The following LARP1 variants were observed in gnomAD, a reference collection of about 807,000 sequenced individuals.
The protein encoded by LARP1 is la-related protein 1.
LARP1 carries 36 observed loss-of-function variants against 122.7 expected under a neutral mutation model. The observed-to-expected ratio is 0.29, with a 90% CI of 0.22 to 0.39. The LOEUF (loss-of-function observed/expected upper bound fraction) is 0.39. Among genes scored for constraint, LARP1 ranks in the 10% least tolerant of loss-of-function variants. LARP1 has a pLI of 1.00. For synonymous variants in LARP1, 539 were observed against 528.7 expected (o/e 1.02, Z -0.27); for missense variants, 1,040 against 1,403.6 (o/e 0.74, Z 4.14).
At position 154,813,872 on chromosome 5, in the gene LARP1, C is replaced by T; in HGVS notation, c.3082-15C>T. 6.2e-7 allele frequency: 1 copy of T among 1,611,474 alleles called. No homozygotes were observed. Among genetic ancestry groups the T allele is most frequent in the Non-Finnish European group, 8.5e-7 (1 of 1,178,330 alleles). On this transcript the variant is annotated splice_polypyrimidine_tract_variant and intron_variant, in intron 18 of 18. Transcript: ENST00000518297. ...TAGTGCTTCTGATCACCTGTGACTC[C>T]TTCCTCTGTTGCAGCCCCCCATGGG...
chr5:154,756,309 CTT>C (rs1449529867), intron 1 of LARP1, 116 bp downstream of exon 1: 2 of 948,254 alleles, frequency 2.1e-6, no homozygotes, highest in Non-Finnish European at 2.6e-6. Flanking sequence ...TGACTCGGGA[CTT>C]TTTAAAATTG....
chr5:154,751,814 G>T (rs376430839), upstream of LARP1, among the ~76,000 whole-genome samples: 102 of 152,156 alleles, frequency 6.7e-4, no homozygotes, highest in African/African-American at 2.3e-3. Flanking sequence ...GTATATATAG[G>T]AAAAACATAG....
chr5:154,740,418 A>G (rs1234824745), intron 1 of LARP1, among the ~76,000 whole-genome samples: 3 of 150,790 alleles, frequency 2.0e-5, no homozygotes, highest in Admixed American at 6.6e-5. Flanking sequence ...AAAAAAGATT[A>G]AATTACCACC....
chr5:154,809,203 G>A (rs776750466), intron 16 of LARP1, among the ~76,000 whole-genome samples: 1 of 151,210 alleles, frequency 6.6e-6, no homozygotes, highest in South Asian at 2.1e-4. Context: ...GGTGGCTCAC[G>A]CCTATAATCC....
intron 14 of LARP1, 70 bp downstream of exon 14, chr5:154,804,377 T>C: frequency 1.8e-6 from 2 of 1,130,568 alleles, no homozygotes; most frequent in Non-Finnish European, 2.7e-6. Flanking sequence ...TGAAATTGAC[T>C]GGACCAAGAA....
At chr5:154,756,607 G>T (rs1359551373) in intron 1 of LARP1, 2 of 631,404 alleles carry the variant, frequency 3.2e-6, no homozygotes, top group Non-Finnish European at 2.0e-6. Context: ...GTAGCGTTGC[G>T]AGCGTCCCCA....
In LARP1 at chr5:154,799,874, G is replaced by A; in HGVS notation, c.1548G>A (p.Glu516=). The A allele has an allele frequency of 6.2e-7, 1 of 1,613,718 alleles. No homozygotes were observed. The highest frequency in any genetic ancestry group is 1.1e-5 in the South Asian group (1 of 91,040). Reference sequence around the variant, plus strand: ...GGACTTCCCCTTTCCACCCTTTAGAGTCGGCACCTGGCTCTCCTCGTGCAG... The same window carrying A: ...GGACTTCCCCTTTCCACCCTTTAGAATCGGCACCTGGCTCTCCTCGTGCAG... ...VPRQHYQKET[E]SAPGSPRAVT... is the part of the protein sequence containing the mutation. Residue 516 remains glutamate, a splice_region_variant and synonymous_variant, in exon 10 of 19, where the codon GAG becomes GAA. Coordinates refer to ENST00000518297, the MANE Select transcript of LARP1 (RefSeq NM_033551.3).
chr5:154,768,574 A>T (rs200654581), intron 1 of LARP1, among the ~76,000 whole-genome samples: 31 of 151,772 alleles, frequency 2.0e-4, no homozygotes, highest in East Asian at 6.0e-4. Flanking sequence ...TTATTTATTT[A>T]TTTTTATTTA....
At chr5:154,685,184 C>T (rs1265890700) in intron 1 of LARP1, among the ~76,000 whole-genome samples, 1 of 151,284 alleles carries the variant, frequency 6.6e-6, no homozygotes, top group African/African-American at 2.4e-5. Context: ...GTGGAGGTTG[C>T]AGTGAGCTGA....
chr5:154,744,434 G>A (rs2113475803), intron 1 of LARP1, among the ~76,000 whole-genome samples: 1 of 152,126 alleles, frequency 6.6e-6, no homozygotes, highest in East Asian at 1.9e-4. Context: ...AGTAACACCA[G>A]GGGAGGGATG....
intron 1 of LARP1, among the ~76,000 whole-genome samples, chr5:154,746,132 C>T (rs1753186237): frequency 1.3e-5 from 2 of 152,192 alleles, no homozygotes; most frequent in South Asian, 4.1e-4. Flanking sequence ...ACCCTTTCCC[C>T]TTTTTTCTGT....
intron 1 of LARP1, among the ~76,000 whole-genome samples, chr5:154,713,487 T>C (rs1300569550): frequency 6.6e-6 from 1 of 152,214 alleles, no homozygotes; most frequent in Non-Finnish European, 1.5e-5. Flanking sequence ...CACAAACCAC[T>C]AAATTGATGC....
chr5:154,804,368 G>A, intron 14 of LARP1, 61 bp downstream of exon 14: 1 of 1,205,018 alleles, frequency 8.3e-7, no homozygotes, highest in Non-Finnish European at 1.2e-6. Flanking sequence ...GGCGAGCCAT[G>A]AAATTGACTG....
rs1270271155 is a variant in LARP1, at chr5:154,795,178, A to G, written c.1236A>G (p.Glu412=). 2 of 1,613,868 alleles carry G rather than the reference A, an allele frequency of 1.2e-6. No homozygotes were observed. The highest frequency in any genetic ancestry group is 1.1e-5 in the South Asian group (1 of 91,064). ...LLKDYIKRQI[E]YYFSVDNLER... The stretch of plus-strand genomic sequence containing the variant: ...ACTACTTCTTCCCTCCACTTAGTGA[A>G]TACTACTTCAGCGTGGACAATTTAG... The change falls in exon 8 of 19, where the codon GAA becomes GAG. Residue 412 remains glutamate, a synonymous_variant. Coordinates refer to ENST00000518297, the MANE Select transcript of LARP1 (RefSeq NM_033551.3).
upstream of LARP1, among the ~76,000 whole-genome samples, chr5:154,708,799 C>A (rs146533035): frequency 6.3e-3 from 951 of 152,134 alleles, 10 homozygotes; most frequent in African/African-American, 0.022. Flanking sequence ...TTAATAGAGA[C>A]GGGGCTTCCC....
rs113904372 is a variant in LARP1, at chr5:154,732,015, C to T, written c.205+18885C>T. Among the ~76,000 whole-genome samples the T allele has an allele frequency of 1.1e-3, 150 of 131,380 alleles. 1 individual carries two copies. The highest frequency in any genetic ancestry group is 4.0e-3 in the African/African-American group (143 of 35,460). 86.2% of individuals were successfully genotyped at this position (131,380 alleles called of 152,430 possible). A position where few individuals can be genotyped will look rare whatever the true frequency, so the allele number is the denominator to read the frequency against. ...GCAGCCTGGTAACAGAGTGAGACTC[C>T]GTCTGAAAAAAAAAAAAAAAATTAG... On this transcript the variant is annotated intron_variant, in intron 1 of 18. Transcript: ENST00000336314.
intron 1 of LARP1, among the ~76,000 whole-genome samples, chr5:154,747,427 G>C (rs1753253803): frequency 6.6e-6 from 1 of 152,122 alleles, no homozygotes; most frequent in South Asian, 2.1e-4. Flanking sequence ...AATTAGGCCA[G>C]GTGCGGTGGC....
At chr5:154,755,249 C>A (rs1376080187), upstream of LARP1, among the ~76,000 whole-genome samples, 1 of 674 alleles carries the variant, frequency 1.5e-3, no homozygotes, top group Non-Finnish European at 3.1e-3. Flanking sequence ...TCGCCCAGGG[C>A]CCGGCCAGCG....
At chr5:154,725,328 G>A (rs149302535) in intron 1 of LARP1, among the ~76,000 whole-genome samples, 136 of 150,684 alleles carry the variant, frequency 9.0e-4, no homozygotes, top group African/African-American at 3.2e-3. Flanking sequence ...GGCGGAGGTT[G>A]CAGTAAGCTG....
Sources: allele counts gnomAD v4.1 joint callset (sites outside exome capture counted in the v4.1 genomes callset), GRCh38; gene constraint gnomAD v4.1.1; transcripts MANE v1.5; gene names NCBI Gene and HGNC (gene_info 2026-07-23, HGNC 2026-07-21).